The following UPRT variants were observed in gnomAD, a reference collection of about 807,000 sequenced individuals.
The protein encoded by UPRT is uracil phosphoribosyltransferase homolog.
A neutral mutation model predicts 22.6 loss-of-function variants in UPRT; 5 were observed. The observed-to-expected ratio is 0.22, with a 90% CI of 0.12 to 0.47. UPRT has a LOEUF of 0.47. Among genes scored for constraint, UPRT ranks in the 20% least tolerant of loss-of-function variants. The pLI, the probability that UPRT is intolerant of heterozygous loss-of-function variation, is 0.99. For synonymous variants in UPRT, 77 were observed against 87.7 expected, an observed-to-expected ratio of 0.88 and a Z score of 0.68; for missense variants, 181 against 239.9, an observed-to-expected ratio of 0.75 and a Z score of 1.62.
intron 4 of UPRT, among the ~76,000 whole-genome samples, chrX:75,222,364 T>A (rs2082412558): frequency 9.0e-6 from 1 of 111,300 alleles, no homozygotes; most frequent in South Asian, 3.8e-4. Context: ...TGCTCAAGGC[T>A]CTAGGGCTCT....
intron 4 of UPRT, among the ~76,000 whole-genome samples, chrX:75,243,658 A>T (rs1377439127): frequency 1.8e-5 from 2 of 111,598 alleles, no homozygotes; most frequent in African/African-American, 6.5e-5. Flanking sequence ...AGGTAAATGT[A>T]TGCATAAATG....
At chrX:75,176,019 T>A (rs2082245391) in intron 4 of UPRT, among the ~76,000 whole-genome samples, 1 of 111,652 alleles carries the variant, frequency 9.0e-6, no homozygotes, top group East Asian at 2.8e-4. Flanking sequence ...TCTTTTAGAA[T>A]CAATTGACCC....
chrX:75,237,031 A>G (rs2082468618), intron 4 of UPRT, among the ~76,000 whole-genome samples: 1 of 112,039 alleles, frequency 8.9e-6, no homozygotes, highest in Non-Finnish European at 1.9e-5. Context: ...ATGGGAGAAA[A>G]TTTTCTCAAC....
At chrX:75,185,001 A>G (rs2082284713) in intron 4 of UPRT, among the ~76,000 whole-genome samples, 1 of 111,159 alleles carries the variant, frequency 9.0e-6, no homozygotes, top group African/African-American at 3.3e-5. Context: ...TCCTAATTGA[A>G]TACCCTTTGT....
chrX:75,234,245 A>T (rs745312062), intron 4 of UPRT, among the ~76,000 whole-genome samples: 1 of 111,568 alleles, frequency 9.0e-6, no homozygotes, highest in Non-Finnish European at 1.9e-5. Context: ...ACTATCCTAA[A>T]TATATATGCA....
chrX:75,234,112 C>T (rs1207063591), intron 4 of UPRT, among the ~76,000 whole-genome samples: 6 of 109,146 alleles, frequency 5.5e-5, no homozygotes, highest in Non-Finnish European at 1.1e-4. Context: ...AAATGGAAAA[C>T]AAAAAAAGGC....
chrX:75,218,009 A>G (rs1403230856), intron 4 of UPRT, among the ~76,000 whole-genome samples: 1 of 111,813 alleles, frequency 8.9e-6, no homozygotes, highest in African/African-American at 3.3e-5. Context: ...ACCAAAAGCA[A>G]TGGCAACAAA....
chrX:75,265,563 T>C (rs1452930598), intron 4 of UPRT, among the ~76,000 whole-genome samples: 1 of 112,061 alleles, frequency 8.9e-6, no homozygotes, highest in Non-Finnish European at 1.9e-5. Flanking sequence ...GCATTTGTTA[T>C]TCTAGTTATC....
intron 1 of UPRT, among the ~76,000 whole-genome samples, chrX:75,283,837 T>C (rs1602491439): frequency 8.9e-6 from 1 of 112,026 alleles, no homozygotes. Flanking sequence ...TGGATGTCTA[T>C]GTCTCTATCA....
At chrX:75,192,756 GT>G (rs1403140803) in intron 4 of UPRT, among the ~76,000 whole-genome samples, 1 of 111,648 alleles carries the variant, frequency 9.0e-6, no homozygotes, top group Non-Finnish European at 1.9e-5. Context: ...GTTAAAATCT[GT>G]TTTCTCTGAA....
intron 4 of UPRT, among the ~76,000 whole-genome samples, chrX:75,184,359 C>T (rs1370498317): frequency 9.1e-6 from 1 of 109,294 alleles, no homozygotes; most frequent in Non-Finnish European, 1.9e-5. Context: ...TTTCTGAGGG[C>T]TCTGTTCTGT....
At chrX:75,229,136 T>C (rs2082430949) in intron 4 of UPRT, among the ~76,000 whole-genome samples, 1 of 112,184 alleles carries the variant, frequency 8.9e-6, no homozygotes, top group South Asian at 3.7e-4. Context: ...TTGAAATTTG[T>C]GAATTGAGTA....
At chrX:75,228,021 A>G (rs886445054) in intron 4 of UPRT, among the ~76,000 whole-genome samples, 1 of 112,063 alleles carries the variant, frequency 8.9e-6, no homozygotes, top group Non-Finnish European at 1.9e-5. Flanking sequence ...TATCTGTTAT[A>G]AGCTGGGTAC....
At chrX:75,248,368 C>T (rs1430363823) in intron 4 of UPRT, among the ~76,000 whole-genome samples, 1 of 111,667 alleles carries the variant, frequency 9.0e-6, no homozygotes, top group Non-Finnish European at 1.9e-5. Context: ...CCTTAAATGA[C>T]CTGATGCAGC....
At chrX:75,247,366 C>T (rs1416310653) in intron 4 of UPRT, among the ~76,000 whole-genome samples, 4 of 111,495 alleles carry the variant, frequency 3.6e-5, no homozygotes, top group Non-Finnish European at 7.5e-5. Context: ...CCTGGAATAT[C>T]GGGTCACTCC....
intron 1 of UPRT, among the ~76,000 whole-genome samples, chrX:75,275,845 G>T (rs2082629045): frequency 9.0e-6 from 1 of 111,051 alleles, no homozygotes; most frequent in South Asian, 3.8e-4. Context: ...GAGTAGCTGG[G>T]ACTACAGGGA....
intron 1 of UPRT, chrX:75,291,638 TA>T (rs543738895): frequency 0.02 from 2,492 of 124,180 alleles, 10 homozygotes; most frequent in Non-Finnish European, 0.028. Context: ...ATTGTGGAAT[TA>T]AAAAAAAAAA....
chrX:75,184,033 TC>T (rs1195698485), intron 4 of UPRT, among the ~76,000 whole-genome samples: 6 of 112,374 alleles, frequency 5.3e-5, no homozygotes, highest in Non-Finnish European at 1.1e-4. Flanking sequence ...TTTAACTAGA[TC>T]CCATTTGTCA....
At chrX:75,165,579 G>C (rs760036988) in intron 3 of UPRT, among the ~76,000 whole-genome samples, 2 of 111,602 alleles carry the variant, frequency 1.8e-5, no homozygotes, top group East Asian at 5.6e-4. Context: ...AGATTGATAG[G>C]CATGTCAATG....
Sources: allele counts gnomAD v4.1 joint callset (sites outside exome capture counted in the v4.1 genomes callset), GRCh38; gene constraint gnomAD v4.1.1; transcripts MANE v1.5; gene names NCBI Gene and HGNC (gene_info 2026-07-23, HGNC 2026-07-21).